Variants in NPAS3 observed in about 807,000 individuals in gnomAD.
The protein encoded by NPAS3 is neuronal PAS domain-containing protein 3.
Under a neutral mutation model 73.1 loss-of-function variants are expected in NPAS3, and 14 were observed. The ratio of observed to expected loss-of-function variants is 0.19; its 90% confidence interval spans 0.13 to 0.30. The LOEUF is 0.30. Among genes scored for constraint, NPAS3 ranks in the 10% least tolerant of loss-of-function variants. The probability of loss-of-function intolerance (pLI) is 1.00; values close to 1 mark genes in which losing one functional copy is unlikely to be tolerated. For missense variants in NPAS3, 1,096 were observed against 1,250.0 expected, an observed-to-expected ratio of 0.88 and a Z score of 1.86; for synonymous variants, 620 against 541.5, an observed-to-expected ratio of 1.14 and a Z score of -2.01.
rs184648584 is a variant in NPAS3, at chr14:33,197,869, C to T, written c.141-17313C>T. On this transcript the variant is annotated intron_variant, in intron 2 of 11. Coordinates refer to ENST00000356141, the Ensembl canonical transcript of NPAS3. Reference sequence around the variant, plus strand: ...TTCTTGGTCTCACTGACTTCAAGAACGAAGCCGCGGACCCTCGCGGTGAGT... The same window carrying T: ...TTCTTGGTCTCACTGACTTCAAGAATGAAGCCGCGGACCCTCGCGGTGAGT... Among the ~76,000 whole-genome samples the T allele has an allele frequency of 5.9e-5, 9 of 152,310 alleles. 1 individual carries two copies. The highest frequency in any genetic ancestry group is 4.1e-4 in the South Asian group (2 of 4,830).
rs2043800619 is a variant in NPAS3, at chr14:33,135,588, G to T, written c.140+79594G>T. On this transcript the variant is annotated intron_variant, in intron 2 of 11. Coordinates refer to ENST00000356141, the Ensembl canonical transcript of NPAS3. ...AGTCAAAAAAGCTGAGCAGCTTTTTGCAATTCTGATTATGAAAAGCAATTG... is the reference window on the plus strand; with the variant it reads ...AGTCAAAAAAGCTGAGCAGCTTTTTTCAATTCTGATTATGAAAAGCAATTG... Among the ~76,000 whole-genome samples the T allele has an allele frequency of 2.6e-5, 4 of 152,016 alleles. No homozygotes were observed. In the South Asian group the frequency reaches 8.3e-4, roughly 32 times the overall value.
intron 7 of NPAS3, among the ~76,000 whole-genome samples, chr14:33,771,781 A>T (rs1009101929): frequency 3.3e-5 from 5 of 152,152 alleles, no homozygotes; most frequent in Non-Finnish European, 7.3e-5. Context: ...ACTAAACTCC[A>T]GCCTGGGCGA....
rs529627707 is a variant in NPAS3 at position 33,578,483 on chromosome 14, C to T, written c.558+18273C>T. The T allele has an allele frequency of 4.7e-5, 15 of 318,484 alleles. No individual in the cohort carries two copies. The East Asian group carries it at 4.9e-4, about 10-fold the overall frequency. The allele number at this position is 318,484 out of a possible 1,614,324, so 19.7% of individuals were successfully genotyped here. A position where few individuals can be genotyped will look rare whatever the true frequency, so the allele number is the denominator to read the frequency against. ...TGCTGGGATTACAGGCATAAGACAC[C>T]GCACCCAGCCCCAACACCCGTCTTT... is the stretch of plus-strand genomic sequence containing the variant. On this transcript the variant is annotated intron_variant, in intron 5 of 11. Coordinates refer to ENST00000356141, the Ensembl canonical transcript of NPAS3.
At chr14:33,095,295 G>T (rs1317386500) in intron 2 of NPAS3, among the ~76,000 whole-genome samples, 1 of 152,206 alleles carries the variant, frequency 6.6e-6, no homozygotes, top group Non-Finnish European at 1.5e-5. Flanking sequence ...TCCCTAAGCT[G>T]CTGGCAGGCA....
chr14:33,745,790 T>C (rs1049042435), intron 7 of NPAS3, among the ~76,000 whole-genome samples: 1 of 152,240 alleles, frequency 6.6e-6, no homozygotes, highest in African/African-American at 2.4e-5. Context: ...TTCTTCTTGC[T>C]TAAGTGTCCT....
chr14:33,249,430 G>T (rs2048501731), intron 3 of NPAS3, among the ~76,000 whole-genome samples: 1 of 150,818 alleles, frequency 6.6e-6, no homozygotes. Flanking sequence ...CTCCTGAATA[G>T]CACTGGGCCA....
chr14:33,219,998 A>G (rs2047364177), intron 3 of NPAS3, among the ~76,000 whole-genome samples: 1 of 152,164 alleles, frequency 6.6e-6, no homozygotes, highest in South Asian at 2.1e-4. Context: ...GGCAAGGGTC[A>G]TATTCCTCAT....
intron 2 of NPAS3, among the ~76,000 whole-genome samples, chr14:33,200,060 A>G (rs2046556240): frequency 6.6e-6 from 1 of 152,004 alleles, no homozygotes; most frequent in Non-Finnish European, 1.5e-5. Context: ...AATTTTTAAT[A>G]AAAGATTCCT....
chr14:33,061,000 A>G (rs1211990931), intron 2 of NPAS3, among the ~76,000 whole-genome samples: 1 of 152,222 alleles, frequency 6.6e-6, no homozygotes, highest in African/African-American at 2.4e-5. Context: ...CAACCAAAAG[A>G]GGGAAGGAAT....
intron 7 of NPAS3, among the ~76,000 whole-genome samples, chr14:33,760,898 T>C (rs1051491545): frequency 1.3e-5 from 2 of 152,224 alleles, no homozygotes; most frequent in Non-Finnish European, 2.9e-5. Context: ...GTGATTTTAA[T>C]TATGATAGAT....
At chr14:33,161,221 T>C (rs929207204) in intron 2 of NPAS3, among the ~76,000 whole-genome samples, 2 of 152,206 alleles carry the variant, frequency 1.3e-5, no homozygotes, top group South Asian at 4.1e-4. Context: ...CCTGATGGTA[T>C]TAGAAGCAGG....
At chr14:32,939,585 C>T (rs1322544466) in intron 1 of NPAS3, among the ~76,000 whole-genome samples, 15 of 136,826 alleles carry the variant, frequency 1.1e-4, no homozygotes, top group Admixed American at 1.0e-3. Flanking sequence ...TCTGAGCAGT[C>T]GCACCTCCTC....
At chr14:33,652,778 A>C (rs2059033231) in intron 5 of NPAS3, among the ~76,000 whole-genome samples, 1 of 152,246 alleles carries the variant, frequency 6.6e-6, no homozygotes, top group African/African-American at 2.4e-5. Context: ...TAAGCAGACC[A>C]GAAAAGTCTT....
chr14:33,144,814 G>T (rs748664534), intron 2 of NPAS3, among the ~76,000 whole-genome samples: 2 of 152,044 alleles, frequency 1.3e-5, no homozygotes, highest in East Asian at 3.9e-4. Context: ...GGCTGGTCTT[G>T]AACTCCTGGC....
intron 7 of NPAS3, among the ~76,000 whole-genome samples, chr14:33,747,073 C>G (rs1198662208): frequency 6.6e-6 from 1 of 152,024 alleles, no homozygotes; most frequent in Non-Finnish European, 1.5e-5. Flanking sequence ...TTTGACCCAG[C>G]CATCCCATTA....
chr14:33,249,187 AG>A (rs1173806072), intron 3 of NPAS3, among the ~76,000 whole-genome samples: 1 of 152,144 alleles, frequency 6.6e-6, no homozygotes, highest in Admixed American at 6.5e-5. Context: ...TAAGTAGGGC[AG>A]GGGATTTAAG....
chr14:33,797,511 G>C, exon 11 of NPAS3: 1 of 1,614,132 alleles, frequency 6.2e-7, no homozygotes, highest in Non-Finnish European at 8.5e-7. Flanking sequence ...CCCATCTGCC[G>C]GAGAAAACTT....
intron 5 of NPAS3, among the ~76,000 whole-genome samples, chr14:33,622,858 C>T (rs531997727): frequency 6.6e-6 from 1 of 152,188 alleles, no homozygotes; most frequent in African/African-American, 2.4e-5. Context: ...GTCAAGAATG[C>T]ATTAAGTAAT....
chr14:33,103,903 CAT>C (rs1350453679), intron 2 of NPAS3, among the ~76,000 whole-genome samples: 1 of 151,942 alleles, frequency 6.6e-6, no homozygotes, highest in Non-Finnish European at 1.5e-5. Context: ...GTAGGTAGCT[CAT>C]GTGTGGCAGA....
Sources: allele counts gnomAD v4.1 joint callset (sites outside exome capture counted in the v4.1 genomes callset), GRCh38; gene constraint gnomAD v4.1.1; transcripts MANE v1.5; gene names NCBI Gene and HGNC (gene_info 2026-07-23, HGNC 2026-07-21).